The following NEGR1 variants were observed in gnomAD, a reference collection of about 807,000 sequenced individuals.
NEGR1 encodes neuronal growth regulator 1.
NEGR1 carries 10 observed loss-of-function variants against 40.9 expected under a neutral mutation model. That is an observed-to-expected ratio of 0.24 (90% CI 0.15 to 0.42). The LOEUF is 0.42. Ranked by LOEUF, NEGR1 falls within the 10% of genes least tolerant of loss-of-function variation. The pLI, the probability that NEGR1 is intolerant of heterozygous loss-of-function variation, is 1.00. For synonymous variants in NEGR1, 185 were observed against 166.8 expected (o/e 1.11, Z -0.84); for missense variants, 352 against 438.9 (o/e 0.80, Z 1.77).
intron 2 of NEGR1, among the ~76,000 whole-genome samples, chr1:71,887,259 T>A (rs1660749146): frequency 6.6e-6 from 1 of 151,924 alleles, no homozygotes; most frequent in African/African-American, 2.4e-5. Flanking sequence ...AGGGGAGGGG[T>A]TGGTCTTGCT....
At chr1:71,981,006 A>G (rs963562829) in intron 1 of NEGR1, among the ~76,000 whole-genome samples, 2 of 152,124 alleles carry the variant, frequency 1.3e-5, no homozygotes, top group Non-Finnish European at 2.9e-5. Context: ...GTGCATCTGT[A>G]ACAAGAGTGC....
intron 3 of NEGR1, among the ~76,000 whole-genome samples, chr1:71,733,072 C>CTTTTT (rs1157020972): frequency 1.4e-5 from 2 of 140,472 alleles, no homozygotes; most frequent in African/African-American, 2.6e-5. Context: ...CAGGATAGCT[C>CTTTTT]TTTTTTTTTT....
chr1:71,559,593 T>C (rs1648374247), intron 6 of NEGR1, among the ~76,000 whole-genome samples: 1 of 151,628 alleles, frequency 6.6e-6, no homozygotes, highest in Admixed American at 6.6e-5. Context: ...CCCTGCGACA[T>C]AGTTCTTTCA....
chr1:72,243,479 G>A (rs573712859), intron 1 of NEGR1, among the ~76,000 whole-genome samples: 1 of 151,606 alleles, frequency 6.6e-6, no homozygotes, highest in Non-Finnish European at 1.5e-5. Context: ...TGTACCCCTT[G>A]AATCTAAAAT....
At chr1:71,969,383 G>A (rs1478468994) in intron 1 of NEGR1, among the ~76,000 whole-genome samples, 1 of 152,194 alleles carries the variant, frequency 6.6e-6, no homozygotes, top group Non-Finnish European at 1.5e-5. Flanking sequence ...AGATTCTTCT[G>A]TTGAAATCCT....
At chr1:71,970,675 G>A (rs1230737924) in intron 1 of NEGR1, among the ~76,000 whole-genome samples, 1 of 151,958 alleles carries the variant, frequency 6.6e-6, no homozygotes, top group East Asian at 1.9e-4. Context: ...GCAACAGAGC[G>A]AGACTCTGTC....
intron 3 of NEGR1, among the ~76,000 whole-genome samples, chr1:71,748,763 T>A (rs752590067): frequency 6.6e-6 from 1 of 152,086 alleles, no homozygotes. Context: ...TGAAATTAAA[T>A]AAATTTCACT....
At chr1:71,588,709 A>G (rs943124727) in intron 6 of NEGR1, among the ~76,000 whole-genome samples, 8 of 152,172 alleles carry the variant, frequency 5.3e-5, no homozygotes, top group Non-Finnish European at 1.0e-4. Flanking sequence ...AGTTGTCTTC[A>G]TGTTAAATCA....
intron 1 of NEGR1, among the ~76,000 whole-genome samples, chr1:71,972,848 T>C (rs907874389): frequency 7.9e-5 from 12 of 152,180 alleles, no homozygotes; most frequent in African/African-American, 2.9e-4. Context: ...TTGTATACGT[T>C]AGTTTTATTG....
At chr1:71,797,347 T>G (rs751474418) in intron 2 of NEGR1, among the ~76,000 whole-genome samples, 4 of 152,168 alleles carry the variant, frequency 2.6e-5, no homozygotes, top group Non-Finnish European at 4.4e-5. Flanking sequence ...AACATGCTGC[T>G]TGCTCACAAG....
rs5775085 is a variant in NEGR1 at position 71,720,499 on chromosome 1, A to AT, written c.536-22361dup. ...ATTAATTATTCTTTCAGTTGAAGGC[A>AT]TTTTTTTCCCTAGAAACTCTTCCTT... is the stretch of plus-strand genomic sequence containing the variant. On this transcript the variant is annotated intron_variant, in intron 3 of 6. Coordinates refer to ENST00000357731, the MANE Select transcript of NEGR1 (RefSeq NM_173808.3). Among the ~76,000 whole-genome samples the AT allele has an allele frequency of 1.4e-3, 214 of 152,110 alleles. 2 individuals carry two copies. In the East Asian group the frequency reaches 0.04, roughly 28 times the overall value.
intron 3 of NEGR1, chr1:71,738,408 C>G: frequency 1.2e-5 from 2 of 171,864 alleles, no homozygotes; most frequent in Non-Finnish European, 2.6e-5. Context: ...CCTCCACCCT[C>G]CCCAGAGAAC....
chr1:71,484,924 A>G (rs190061782), intron 6 of NEGR1: 2 of 151,794 alleles, frequency 1.3e-5, no homozygotes, highest in East Asian at 1.9e-4. Flanking sequence ...ATTTTTCCTT[A>G]TACAAAACTC....
intron 3 of NEGR1, among the ~76,000 whole-genome samples, chr1:71,735,164 C>A (rs1315865101): frequency 6.6e-6 from 1 of 152,186 alleles, no homozygotes; most frequent in East Asian, 1.9e-4. Flanking sequence ...TTTTTCATTT[C>A]TTGATCCTCT....
chr1:71,814,325 G>A (rs1022080646), intron 2 of NEGR1, among the ~76,000 whole-genome samples: 1 of 152,054 alleles, frequency 6.6e-6, no homozygotes, highest in African/African-American at 2.4e-5. Context: ...GTATTTTATT[G>A]AGGATTTTTG....
chr1:71,461,994 C>T (rs1227513411), intron 6 of NEGR1, among the ~76,000 whole-genome samples: 3 of 152,108 alleles, frequency 2.0e-5, no homozygotes, highest in African/African-American at 7.2e-5. Context: ...GAACCCTGCT[C>T]TGTTATCCCT....
chr1:72,243,184 T>A lies in NEGR1; in HGVS notation c.176+39135A>T, dbSNP rs543459885. ...GGGTAAGTCATACAACTCTTTTAAA[T>A]AATTATTTGTACACCATGAAGGTAC... On this transcript the variant is annotated intron_variant, in intron 1 of 6. Coordinates refer to ENST00000357731, the MANE Select transcript of NEGR1 (RefSeq NM_173808.3). 9.2e-5 allele frequency among the ~76,000 whole-genome samples: 14 copies of A among 151,892 alleles called. No individual in the cohort carries two copies. In the East Asian group the frequency reaches 2.7e-3, roughly 29 times the overall value.
intron 2 of NEGR1, among the ~76,000 whole-genome samples, chr1:71,927,032 A>C (rs1185141055): frequency 6.6e-6 from 1 of 152,176 alleles, no homozygotes; most frequent in African/African-American, 2.4e-5. Flanking sequence ...TCTGGAAGAC[A>C]AGCTGGTATT....
At chr1:71,899,998 A>T (rs1661101675) in intron 2 of NEGR1, among the ~76,000 whole-genome samples, 1 of 152,206 alleles carries the variant, frequency 6.6e-6, no homozygotes, top group Admixed American at 6.5e-5. Context: ...GTGAAGAGAA[A>T]CATTTGAAGT....
Sources: allele counts gnomAD v4.1 joint callset (sites outside exome capture counted in the v4.1 genomes callset), GRCh38; gene constraint gnomAD v4.1.1; transcripts MANE v1.5; gene names NCBI Gene and HGNC (gene_info 2026-07-23, HGNC 2026-07-21).